PLCL2: variants seen among roughly 807,000 people sequenced by gnomAD.
The protein encoded by PLCL2 is phospholipase C like 2.
Under a neutral mutation model 79.6 loss-of-function variants are expected in PLCL2, and 4 were observed. The ratio of observed to expected loss-of-function variants is 0.05; its 90% CI spans 0.02 to 0.11. PLCL2 has a LOEUF of 0.11. Ranked by LOEUF, PLCL2 falls within the 10% of genes least tolerant of loss-of-function variation. The pLI is 1.00. For missense variants in PLCL2, 895 were observed against 1,291.0 expected (o/e 0.69, Z 4.70); for synonymous variants, 484 against 457.7 (o/e 1.06, Z -0.73).
intron 3 of PLCL2, among the ~76,000 whole-genome samples, chr3:17,017,991 T>A (rs1182510477): frequency 6.6e-6 from 1 of 152,076 alleles, no homozygotes; most frequent in South Asian, 2.1e-4. Flanking sequence ...GCTCCTGTGG[T>A]GGGGTGAGCC....
chr3:17,014,743 C>G lies in PLCL2; in HGVS notation c.2850C>G (p.Leu950=), dbSNP rs771347553. ...TGTCATTCAAGGAGCTGTGTGGCCT[C>G]TCCTCTGTGGCCAATCTCATGCAGT... ...AVVSFKELCG[L]SSVANLMQCM... is the part of the protein sequence containing the mutation. The change falls in exon 3 of 6, where the codon CTC becomes CTG. Residue 950 remains leucine, a synonymous_variant. Transcript: ENST00000615277. 2.0e-5 allele frequency: 33 copies of G among 1,614,030 alleles called. No individual in the cohort carries two copies. The highest frequency in any genetic ancestry group is 2.7e-5 in the African/African-American group (2 of 74,928).
chr3:17,035,883 C>G (rs1429399410), intron 3 of PLCL2: 5 of 468,384 alleles, frequency 1.1e-5, no homozygotes, highest in Non-Finnish European at 2.1e-5. Context: ...CCCAAATATG[C>G]TCCTCTGTAT....
rs563475580 is a variant in PLCL2, at chr3:17,010,003, C to T, written c.657C>T (p.Ser219=). Residue 219 remains serine (S), a synonymous_variant, in exon 2 of 6, where the codon TCC becomes TCT. Coordinates refer to ENST00000615277, the MANE Select transcript of PLCL2 (RefSeq NM_001144382.2). The surrounding 1 kb of genome is among the most constrained non-coding windows in gnomAD (Gnocchi z 5.8). ...AGATATCTGAAGATTGTGCGTTTTC[C>T]GTCATATATGGAGAGAATTATGAGT... ...SDQISEDCAF[S]VIYGENYESL... is the part of the protein sequence containing the mutation. The T allele has an allele frequency of 1.4e-5, 23 of 1,613,988 alleles. No homozygotes were observed. Among genetic ancestry groups the T allele is most frequent in the East Asian group, 6.7e-5 (3 of 44,876 alleles).
At chr3:17,073,357 A>G (rs2065078909) in intron 5 of PLCL2, among the ~76,000 whole-genome samples, 2 of 152,226 alleles carry the variant, frequency 1.3e-5, no homozygotes, top group Admixed American at 6.5e-5. Flanking sequence ...ATCAATGTAC[A>G]TAGCTTAATT....
intron 1 of PLCL2, among the ~76,000 whole-genome samples, chr3:16,971,100 C>A (rs1160488386): frequency 6.0e-4 from 91 of 151,354 alleles, no homozygotes; most frequent in Middle Eastern, 3.4e-3. Context: ...GCTTTTGTTG[C>A]CATTGCTTTT....
intron 2 of PLCL2, among the ~76,000 whole-genome samples, chr3:17,012,378 T>A (rs1412632724): frequency 6.6e-6 from 1 of 152,178 alleles, no homozygotes; most frequent in South Asian, 2.1e-4. Context: ...GATAAGTGAG[T>A]CTCGTTGCTG....
intron 3 of PLCL2, chr3:17,035,862 G>C: frequency 2.1e-6 from 1 of 486,984 alleles, no homozygotes; most frequent in South Asian, 1.5e-5. Context: ...GGGGTCCTGT[G>C]TGTGGCAGCA....
chr3:16,949,414 C>T (rs987903577), intron 1 of PLCL2, among the ~76,000 whole-genome samples: 5 of 152,208 alleles, frequency 3.3e-5, no homozygotes, highest in Admixed American at 6.5e-5. Flanking sequence ...TTTAATGGCA[C>T]TTTAATTTCC....
chr3:16,953,358 AATTAC>A (rs1230669404), intron 1 of PLCL2, among the ~76,000 whole-genome samples: 5 of 152,312 alleles, frequency 3.3e-5, no homozygotes, highest in Admixed American at 2.6e-4. Context: ...AGAAAACATG[AATTAC>A]ATTAAACAAA....
chr3:16,888,063 C>G (rs1347872075), intron 1 of PLCL2, among the ~76,000 whole-genome samples: 2 of 152,126 alleles, frequency 1.3e-5, no homozygotes, highest in Non-Finnish European at 2.9e-5. Context: ...TGCCTCTCTC[C>G]TAGCTTTCAT....
intron 1 of PLCL2, among the ~76,000 whole-genome samples, chr3:16,910,026 C>G (rs1696841065): frequency 6.6e-6 from 1 of 152,192 alleles, no homozygotes; most frequent in Admixed American, 6.5e-5. Context: ...CACAAAAGAT[C>G]TCAATCCTTC....
rs188220485 is a variant in PLCL2 at position 17,081,799 on chromosome 3, G to T, written c.3205-7934G>T. On this transcript the variant is annotated intron_variant, in intron 5 of 5. Transcript: ENST00000615277. ...TCACGCCAGACTCGCAGCAAGAGCT[G>T]CTGGGATCCAGCCACTGCCCTTAGT... Among the ~76,000 whole-genome samples the T allele has an allele frequency of 2.8e-3, 433 of 152,328 alleles. 3 individuals are homozygous for T. Among genetic ancestry groups the T allele is most frequent in the African/African-American group, 0.01 (416 of 41,572 alleles).
intron 1 of PLCL2, among the ~76,000 whole-genome samples, chr3:16,958,329 G>A (rs547608703): frequency 1.2e-4 from 19 of 152,314 alleles, no homozygotes; most frequent in Admixed American, 4.6e-4. Flanking sequence ...AACAATGTTT[G>A]TAAAAATGTT....
intron 1 of PLCL2, 79 bp downstream of exon 1, chr3:16,885,445 A>G (rs1696196109): frequency 1.9e-6 from 1 of 531,558 alleles, no homozygotes; most frequent in Non-Finnish European, 3.3e-6. Flanking sequence ...GTGGTGGTGG[A>G]AGGAGGAAGC....
At position 16,886,694 on chromosome 3, in the gene PLCL2, G is replaced by T. The variant is rs537028256; in HGVS notation, c.327+1328G>T. Among the ~76,000 whole-genome samples, 80 of 152,296 alleles carry T rather than the reference G, an allele frequency of 5.3e-4. No individual in the cohort carries two copies. The highest frequency in any genetic ancestry group is 1.8e-3 in the African/African-American group (75 of 41,562). On this transcript the variant is annotated intron_variant, in intron 1 of 5. Transcript: ENST00000615277. The surrounding 1 kb of genome is among the most constrained non-coding windows in gnomAD (Gnocchi z 4.2). ...AGAGATAAACTAAGGAAAGTAAAGT[G>T]TCTTTTTGCTGCATACATAGCTTTT... is the stretch of plus-strand genomic sequence containing the variant.
rs1484377075 is a variant in PLCL2, at chr3:17,000,030, A to AG, written c.328-9641dup. Among the ~76,000 whole-genome samples, 4 of 152,274 alleles carry AG rather than the reference A, an allele frequency of 2.6e-5. No homozygotes were observed. In the East Asian group the frequency reaches 7.7e-4, roughly 29 times the overall value. On this transcript the variant is annotated intron_variant, in intron 1 of 5. Transcript: ENST00000615277. ...CCATGATTCTAAACTTCTTAGAGGA[A>AG]GGGAGGTGAGTTTGCAGATCCCTTT...
Position 17,068,024 on chromosome 3 carries a change from A to C in PLCL2, c.3163A>C (p.Lys1055Gln). Residue 1055 changes from lysine (K) to glutamine (Q), a missense_variant, in exon 5 of 6, where the codon AAA becomes CAA. By Grantham distance (53) the Lys-to-Gln change is moderately conservative (BLOSUM62 1). This residue lies in a region of PLCL2 where 298 missense variants were observed against 459.6 expected (regional missense o/e 0.65). Coordinates refer to ENST00000615277, the MANE Select transcript of PLCL2 (RefSeq NM_001144382.2). ...KEGLKERKLQ[K>Q]AVESFTWNIT... is the part of the protein sequence containing the mutation. Reference sequence around the variant, plus strand: ...AGGTTTGAAGGAAAGAAAACTACAAAAAGCAGTGGAGAGCTTTACCTGGAA... The same window carrying C: ...AGGTTTGAAGGAAAGAAAACTACAACAAGCAGTGGAGAGCTTTACCTGGAA... 1 of 1,611,368 alleles carries C rather than the reference A, an allele frequency of 6.2e-7. No individual in the cohort carries two copies. The highest frequency in any genetic ancestry group is 1.1e-5 in the South Asian group (1 of 90,964).
At chr3:16,980,071 C>A (rs1247449601) in intron 1 of PLCL2, among the ~76,000 whole-genome samples, 2 of 128,586 alleles carry the variant, frequency 1.6e-5, no homozygotes, top group South Asian at 5.7e-4. Flanking sequence ...ACCTCCGGGA[C>A]GGGGCGGCTG....
chr3:16,911,308 G>A (rs565094945), intron 1 of PLCL2, among the ~76,000 whole-genome samples: 32 of 150,410 alleles, frequency 2.1e-4, no homozygotes, highest in Admixed American at 4.6e-4. Flanking sequence ...ATACAGGTCT[G>A]TCAGGCTCCA....
Sources: allele counts gnomAD v4.1 joint callset (sites outside exome capture counted in the v4.1 genomes callset), GRCh38; gene constraint gnomAD v4.1.1; regional missense constraint gnomAD v4.1.1; non-coding constraint Gnocchi (gnomAD v3.1); transcripts MANE v1.5; gene names NCBI Gene and HGNC (gene_info 2026-07-23, HGNC 2026-07-21).